RBM20: variants seen among roughly 807,000 people sequenced by gnomAD.
The protein encoded by RBM20 is RNA-binding protein 20.
RBM20 carries 51 observed loss-of-function variants against 110.1 expected under a neutral mutation model. The ratio of observed to expected loss-of-function variants is 0.46; its 90% CI spans 0.37 to 0.59. RBM20 has a LOEUF of 0.59. Ranked by LOEUF, RBM20 falls within the 20% of genes least tolerant of loss-of-function variation. The probability of loss-of-function intolerance (pLI) is 0.00; values close to 1 mark genes in which losing one functional copy is unlikely to be tolerated. For synonymous variants in RBM20, 589 were observed against 618.2 expected, an observed-to-expected ratio of 0.95 and a Z score of 0.70; for missense variants, 1,512 against 1,574.9, an observed-to-expected ratio of 0.96 and a Z score of 0.68.
intron 1 of RBM20, among the ~76,000 whole-genome samples, chr10:110,708,728 CAA>C (rs1389061237): frequency 2.0e-5 from 3 of 152,296 alleles, no homozygotes; most frequent in African/African-American, 7.2e-5. Flanking sequence ...TCAGGGGAAA[CAA>C]GAAACAATAA....
At chr10:110,792,059 A>G (rs1291150770) in intron 5 of RBM20, among the ~76,000 whole-genome samples, 1 of 152,202 alleles carries the variant, frequency 6.6e-6, no homozygotes, top group Admixed American at 6.5e-5. Context: ...GAACTCCCAT[A>G]TAACTTTTGT....
At chr10:110,742,984 A>G (rs957775072) in intron 1 of RBM20, among the ~76,000 whole-genome samples, 1 of 152,202 alleles carries the variant, frequency 6.6e-6, no homozygotes, top group Non-Finnish European at 1.5e-5. Flanking sequence ...CCGGGCTGTC[A>G]TCAAGTCAGT....
intron 1 of RBM20, among the ~76,000 whole-genome samples, chr10:110,773,739 G>A (rs1242519522): frequency 1.3e-5 from 2 of 152,086 alleles, no homozygotes; most frequent in Admixed American, 1.3e-4. Flanking sequence ...GTTCTCTTTG[G>A]CAGGTTTTGA....
At chr10:110,833,864 AGGAT>A (rs1418834812) in intron 13 of RBM20, among the ~76,000 whole-genome samples, 2 of 152,186 alleles carry the variant, frequency 1.3e-5, no homozygotes, top group Non-Finnish European at 2.9e-5. Context: ...CTTCCCAGAT[AGGAT>A]TTCTGTCAGC....
intron 11 of RBM20, among the ~76,000 whole-genome samples, 191 bp from the exon 12 acceptor site, chr10:110,823,289 G>A (rs1276751871): frequency 6.6e-6 from 1 of 152,090 alleles, no homozygotes; most frequent in African/African-American, 2.4e-5. Context: ...TTTGGCAGTG[G>A]AAAAAGCTCC....
chr10:110,729,125 A>G (rs1027667806), intron 1 of RBM20, among the ~76,000 whole-genome samples: 1 of 152,222 alleles, frequency 6.6e-6, no homozygotes, highest in Non-Finnish European at 1.5e-5. Flanking sequence ...CTAGGTGTAT[A>G]AGAAATTCAG....
chr10:110,745,628 A>G (rs562568105), intron 1 of RBM20, among the ~76,000 whole-genome samples: 2 of 152,018 alleles, frequency 1.3e-5, no homozygotes, highest in African/African-American at 2.4e-5. Context: ...TTGCATACGT[A>G]TCTTCTCCAA....
In RBM20 at chr10:110,821,860, C is replaced by A; in HGVS notation, c.3241C>A (p.Pro1081Thr). ...TPEDGACEGS[P>T]LEEKASPPIE... ...CGAAGATGGGGCTTGTGAAGGCAGC[C>A]CCCTGGAGGAGAAAGCCAGCCCCCC... The change falls in exon 11 of 14, where the codon CCC (proline) becomes ACC (threonine). Residue 1081 changes from proline (P) to threonine (T), a missense_variant. Coordinates refer to ENST00000369519, the MANE Select transcript of RBM20 (RefSeq NM_001134363.3). 1 of 1,551,690 alleles carries A rather than the reference C, an allele frequency of 6.4e-7. No individual in the cohort carries two copies. Among genetic ancestry groups the A allele is most frequent in the Non-Finnish European group, 8.7e-7 (1 of 1,147,002 alleles).
chr10:110,810,551 C>A, intron 8 of RBM20, 89 bp downstream of exon 8: 1 of 919,164 alleles, frequency 1.1e-6, no homozygotes, highest in Non-Finnish European at 1.7e-6. Context: ...TTGAGTCATG[C>A]TGTGCCCTGT....
At chr10:110,806,151 C>T (rs917127949) in intron 7 of RBM20, among the ~76,000 whole-genome samples, 2 of 151,906 alleles carry the variant, frequency 1.3e-5, no homozygotes, top group Non-Finnish European at 2.9e-5. Context: ...ACCTGTAATC[C>T]CAGATGCTTG....
intron 1 of RBM20, among the ~76,000 whole-genome samples, chr10:110,768,281 A>T (rs532126115): frequency 6.8e-6 from 1 of 147,136 alleles, no homozygotes; most frequent in South Asian, 2.2e-4. Flanking sequence ...GAACTTTCTT[A>T]TGGCCACAGC....
At position 110,760,137 on chromosome 10, in the gene RBM20, G is replaced by A. The variant is rs77606085; in HGVS notation, c.192-20664G>A. Among the ~76,000 whole-genome samples, 1,443 of 152,294 alleles carry A rather than the reference G, an allele frequency of 9.5e-3. 18 individuals are homozygous for A. The highest frequency in any genetic ancestry group is 0.055 in the East Asian group (285 of 5,188). On this transcript the variant is annotated intron_variant, in intron 1 of 13. Transcript: ENST00000369519. Reference sequence around the variant, plus strand: ...TGAGTACCTGTGATGACTGAACAATGTGCTGGCGTGTTCCATCCCCTTTTG... The same window carrying A: ...TGAGTACCTGTGATGACTGAACAATATGCTGGCGTGTTCCATCCCCTTTTG...
Position 110,706,373 on chromosome 10 carries a change from C to T in RBM20, c.191+61728C>T, listed in dbSNP as rs533029421. Among the ~76,000 whole-genome samples the T allele has an allele frequency of 9.8e-4, 149 of 152,338 alleles. 1 individual carries two copies. The Middle Eastern group carries it at 0.017, about 17-fold the overall frequency. On this transcript the variant is annotated intron_variant, in intron 1 of 13. Coordinates refer to ENST00000369519, the MANE Select transcript of RBM20 (RefSeq NM_001134363.3). ...GAAATGTGAGTTGTCTTCACTTCTCCACCTGGAATGGGCAATATCTGTGTG... is the reference window on the plus strand; with the variant it reads ...GAAATGTGAGTTGTCTTCACTTCTCTACCTGGAATGGGCAATATCTGTGTG...
chr10:110,648,719 G>GT (rs1206866085), intron 1 of RBM20, among the ~76,000 whole-genome samples: 4 of 152,030 alleles, frequency 2.6e-5, no homozygotes, highest in Non-Finnish European at 5.9e-5. Context: ...AGAAAAGGGG[G>GT]GGGTGCTATT....
chr10:110,815,609 C>A (rs1320762598), intron 9 of RBM20, among the ~76,000 whole-genome samples: 1 of 152,218 alleles, frequency 6.6e-6, no homozygotes, highest in Non-Finnish European at 1.5e-5. Flanking sequence ...AGCCTGCCAA[C>A]CCTCTCTCCC....
At chr10:110,800,092 C>T (rs565656460) in intron 7 of RBM20, among the ~76,000 whole-genome samples, 174 bp downstream of exon 7, 2 of 152,282 alleles carry the variant, frequency 1.3e-5, no homozygotes, top group South Asian at 4.1e-4. Flanking sequence ...AAGAAAAGTG[C>T]TCTTGAGGTA....
intron 1 of RBM20, among the ~76,000 whole-genome samples, chr10:110,763,875 T>A (rs1390016625): frequency 6.6e-6 from 1 of 152,092 alleles, no homozygotes; most frequent in Non-Finnish European, 1.5e-5. Context: ...AATTATCTTT[T>A]GTGGTGGTTG....
intron 1 of RBM20, among the ~76,000 whole-genome samples, chr10:110,766,318 T>TTTTTTTTTTTTTTG (rs1554897190): frequency 6.7e-6 from 1 of 149,180 alleles, no homozygotes. Flanking sequence ...ACTTTGTTTT[T>TTTTTTTTTTTTTTG]TTTTTTGTTT....
At position 110,836,129 on chromosome 10, in the gene RBM20, C is replaced by T; in HGVS notation, c.*151C>T. On this transcript the variant is annotated 3_prime_UTR_variant, in exon 14 of 14. Transcript: ENST00000369519. ...TTGCTTGGGCTTGTTCCCAGAGACTCAGTGAAATGCCCCTGATATGTCTCC... is the reference window on the plus strand; with the variant it reads ...TTGCTTGGGCTTGTTCCCAGAGACTTAGTGAAATGCCCCTGATATGTCTCC... 1 of 512,976 alleles carries T rather than the reference C, an allele frequency of 1.9e-6. No homozygotes were observed. The highest frequency in any genetic ancestry group is 3.5e-5 in the Admixed American group (1 of 28,424). 31.8% of individuals were successfully genotyped at this position (512,976 alleles called of 1,614,324 possible).
Sources: gnomAD v4.1 joint callset for allele counts (sites outside exome capture counted in the v4.1 genomes callset) on GRCh38, gnomAD v4.1.1 for gene constraint, MANE v1.5 for transcripts, NCBI Gene and HGNC (gene_info 2026-07-23, HGNC 2026-07-21) for gene names.